The following CLVS1 variants were observed in gnomAD, a reference collection of about 807,000 sequenced individuals.
The protein encoded by CLVS1 is clavesin-1.
CLVS1 carries 10 observed loss-of-function variants against 33.1 expected under a neutral mutation model. The ratio of observed to expected loss-of-function variants is 0.30; its 90% CI spans 0.19 to 0.51. The LOEUF is 0.51. Among genes scored for constraint, CLVS1 ranks in the 20% least tolerant of loss-of-function variants. CLVS1 has a pLI of 0.97. For synonymous variants in CLVS1, 163 were observed against 166.1 expected, an observed-to-expected ratio of 0.98 and a Z score of 0.14; for missense variants, 343 against 433.4, an observed-to-expected ratio of 0.79 and a Z score of 1.85.
At chr8:61,238,226 C>T (rs970495747) in intron 2 of CLVS1, among the ~76,000 whole-genome samples, 5 of 152,008 alleles carry the variant, frequency 3.3e-5, no homozygotes, top group African/African-American at 1.2e-4. Context: ...CACTCAGGAC[C>T]TTCGGCTGCA....
chr8:61,197,225 T>G (rs886593628), intron 2 of CLVS1, among the ~76,000 whole-genome samples: 1 of 152,214 alleles, frequency 6.6e-6, no homozygotes, highest in African/African-American at 2.4e-5. Flanking sequence ...GGAGTCTAGT[T>G]CCACTCTTCT....
chr8:61,433,995 G>C (rs188139244), intron 3 of CLVS1, among the ~76,000 whole-genome samples: 6 of 151,756 alleles, frequency 4.0e-5, no homozygotes, highest in Non-Finnish European at 8.8e-5. Flanking sequence ...CAGGCAAAGC[G>C]AGAGGCACAA....
intron 2 of CLVS1, among the ~76,000 whole-genome samples, chr8:61,346,671 TC>T (rs1291300187): frequency 1.3e-5 from 2 of 152,158 alleles, no homozygotes; most frequent in African/African-American, 4.8e-5. Context: ...GATAAAGTAT[TC>T]ATTTGACAAA....
chr8:61,164,963 GACC>G (rs1173872672), intron 2 of CLVS1, among the ~76,000 whole-genome samples: 2 of 152,146 alleles, frequency 1.3e-5, no homozygotes, highest in Non-Finnish European at 2.9e-5. Flanking sequence ...CATGTTCTCT[GACC>G]TGGGGTTCTT....
the CLVS1 span, chr8:60,967,712 G>T: frequency 4.6e-5 from 21 of 455,488 alleles, no homozygotes; most frequent in Non-Finnish European, 7.9e-5. Context: ...TGGGTGCTGA[G>T]GGTGGGATTT....
chr8:61,142,882 A>G (rs1464498799), intron 2 of CLVS1, among the ~76,000 whole-genome samples: 1 of 152,220 alleles, frequency 6.6e-6, no homozygotes, highest in Non-Finnish European at 1.5e-5. Flanking sequence ...TTGTGAATGG[A>G]CATACTTGCT....
At chr8:61,214,438 C>A (rs1283963065) in intron 2 of CLVS1, among the ~76,000 whole-genome samples, 1 of 152,118 alleles carries the variant, frequency 6.6e-6, no homozygotes, top group African/African-American at 2.4e-5. Flanking sequence ...ATTTCTCAAG[C>A]TGGCTGACGC....
At chr8:61,031,133 G>T in the CLVS1 span, among the ~76,000 whole-genome samples, 2 of 152,208 alleles carry the variant, frequency 1.3e-5, no homozygotes, top group Non-Finnish European at 2.9e-5. Context: ...GGAAGATTCT[G>T]CAAGAAGAAC....
chr8:60,980,506 C>A, the CLVS1 span, among the ~76,000 whole-genome samples: 4 of 152,270 alleles, frequency 2.6e-5, no homozygotes, highest in Admixed American at 6.5e-5. Flanking sequence ...GAAAAAGGGG[C>A]CGGGTGGGAT....
the CLVS1 span, among the ~76,000 whole-genome samples, chr8:60,979,290 C>T: frequency 1.3e-5 from 2 of 152,226 alleles, no homozygotes; most frequent in Non-Finnish European, 2.9e-5. Context: ...CAGCTCCCCT[C>T]GATGGGGCCT....
At chr8:61,430,441 T>A (rs1816067430) in intron 3 of CLVS1, among the ~76,000 whole-genome samples, 1 of 152,008 alleles carries the variant, frequency 6.6e-6, no homozygotes. Flanking sequence ...GAGGGGGAAA[T>A]AAAATTCCCC....
At chr8:61,118,794 A>G (rs1465109177) in intron 1 of CLVS1, among the ~76,000 whole-genome samples, 2 of 152,256 alleles carry the variant, frequency 1.3e-5, no homozygotes, top group African/African-American at 4.8e-5. Context: ...ACTTCCAACT[A>G]TGTGGTCAGT....
the CLVS1 span, among the ~76,000 whole-genome samples, chr8:60,981,001 C>T: frequency 6.6e-6 from 1 of 152,140 alleles, no homozygotes; most frequent in Non-Finnish European, 1.5e-5. Flanking sequence ...GGGAGGGATG[C>T]AGAAACCACC....
At position 61,434,311 on chromosome 8, in the gene CLVS1, G is replaced by A. The variant is rs190017587; in HGVS notation, c.631-19830G>A. On this transcript the variant is annotated intron_variant, in intron 3 of 5. Coordinates refer to ENST00000325897, the MANE Select transcript of CLVS1 (RefSeq NM_173519.3). ...ATCTAAAGTTACATGTAAAGAAAAA[G>A]CATTTAAGAGATAGTAAAGGGAATG... Among the ~76,000 whole-genome samples, 529 of 149,332 alleles carry A rather than the reference G, an allele frequency of 3.5e-3. 5 individuals are homozygous for A. The highest frequency in any genetic ancestry group is 0.013 in the African/African-American group (504 of 38,724).
In CLVS1 at chr8:61,311,001, C is replaced by T. The variant is rs79337649; in HGVS notation, c.455+10719C>T. Among the ~76,000 whole-genome samples, 151 of 152,228 alleles carry T rather than the reference C, an allele frequency of 9.9e-4. 3 individuals carry two copies. The East Asian group carries it at 0.01, about 10-fold the overall frequency. The stretch of plus-strand genomic sequence containing the variant: ...TATGTATTCTGTAGAACTGTGAGGA[C>T]GAAATGAGGTACTAGAGAAGAAGAG... On this transcript the variant is annotated intron_variant, in intron 2 of 5. Transcript: ENST00000325897.
intron 1 of CLVS1, among the ~76,000 whole-genome samples, chr8:61,288,931 T>C (rs1347437023): frequency 6.6e-6 from 1 of 152,172 alleles, no homozygotes; most frequent in Non-Finnish European, 1.5e-5. Flanking sequence ...AGAATAAAAA[T>C]AAAAATGATG....
At chr8:61,435,543 CATTTTAAT>C (rs71559332) in intron 3 of CLVS1, among the ~76,000 whole-genome samples, 22,946 of 150,328 alleles carry the variant, frequency 0.15, 2,255 homozygotes, top group African/African-American at 0.28. Context: ...CTATTAAGTT[CATTTTAAT>C]ATTTTAATGG....
At chr8:61,145,786 G>T (rs991763424) in intron 2 of CLVS1, among the ~76,000 whole-genome samples, 1 of 152,184 alleles carries the variant, frequency 6.6e-6, no homozygotes, top group South Asian at 2.1e-4. Context: ...TTATGATGTC[G>T]TCTCTTTGTG....
chr8:61,017,938 A>T, the CLVS1 span, among the ~76,000 whole-genome samples: 1 of 152,238 alleles, frequency 6.6e-6, no homozygotes, highest in South Asian at 2.1e-4. Context: ...ACTTCACTGC[A>T]TGGTTGCATG....
Sources: allele counts gnomAD v4.1 joint callset (sites outside exome capture counted in the v4.1 genomes callset), GRCh38; gene constraint gnomAD v4.1.1; transcripts MANE v1.5; gene names NCBI Gene and HGNC (gene_info 2026-07-23, HGNC 2026-07-21).